The following EEA1 variants were observed in gnomAD, a reference collection of about 807,000 sequenced individuals.
EEA1 encodes the protein early endosome antigen 1.
EEA1 carries 111 observed loss-of-function variants against 209.2 expected under a neutral mutation model. That is an observed-to-expected ratio of 0.53 (90% CI 0.45 to 0.62). EEA1 has a LOEUF of 0.62. Ranked by LOEUF, EEA1 falls within the 20% of genes least tolerant of loss-of-function variation. The pLI, the probability that EEA1 is intolerant of heterozygous loss-of-function variation, is 0.00. For synonymous variants in EEA1, 536 were observed against 540.6 expected (o/e 0.99, Z 0.12); for missense variants, 1,343 against 1,530.8 (o/e 0.88, Z 2.05).
At chr12:92,898,793 G>C (rs1267636510) in intron 1 of EEA1, among the ~76,000 whole-genome samples, 2 of 114,296 alleles carry the variant, frequency 1.7e-5, no homozygotes, top group African/African-American at 3.6e-5. Flanking sequence ...GCCCAGGCTG[G>C]TCTTGAACTC....
chr12:92,879,498 G>A (rs1426945077), intron 2 of EEA1: 1 of 258,880 alleles, frequency 3.9e-6, no homozygotes, highest in African/African-American at 2.3e-5. Flanking sequence ...CTCAATAGAT[G>A]TGGGAAAAGC....
chr12:92,857,093 A>T (rs1032408138), intron 5 of EEA1, among the ~76,000 whole-genome samples, 182 bp downstream of exon 5: 32 of 152,046 alleles, frequency 2.1e-4, no homozygotes, highest in Admixed American at 2.0e-4. Context: ...AACACCTTTT[A>T]AAAAATTACA....
intron 9 of EEA1, among the ~76,000 whole-genome samples, chr12:92,849,910 A>G (rs1024171863): frequency 1.3e-5 from 2 of 152,206 alleles, no homozygotes; most frequent in East Asian, 3.8e-4. Flanking sequence ...AAGGGAGCTT[A>G]AAGACTACAA....
chr12:92,870,025 C>T (rs1396972471), intron 2 of EEA1, among the ~76,000 whole-genome samples: 1 of 152,122 alleles, frequency 6.6e-6, no homozygotes, highest in African/African-American at 2.4e-5. Flanking sequence ...TCTGGTTTAA[C>T]TGTCCTCCTA....
chr12:92,909,798 C>T, intron 1 of EEA1, among the ~76,000 whole-genome samples: 1 of 152,114 alleles, frequency 6.6e-6, no homozygotes, highest in South Asian at 2.1e-4. Context: ...AGGAGGATCA[C>T]TTGAGCTCAG....
chr12:92,796,617 T>A (rs936178754), intron 21 of EEA1, among the ~76,000 whole-genome samples: 7 of 152,058 alleles, frequency 4.6e-5, no homozygotes, highest in Non-Finnish European at 8.8e-5. Context: ...TTTTTATGTT[T>A]TATATATATA....
rs528194770 is a variant in EEA1 at position 92,827,762 on chromosome 12, T to G, written c.1404+150A>C. ...ATACAATTACAACAAAATGACTTAA[T>G]GTAGTTAATAAGCAAGATGTTGCTA... On this transcript the variant is annotated intron_variant, in intron 12 of 28. Coordinates refer to ENST00000322349, the MANE Select transcript of EEA1 (RefSeq NM_003566.4). 1,506 of 729,302 alleles carry G rather than the reference T, an allele frequency of 2.1e-3. 2 individuals are homozygous for G. Among genetic ancestry groups the G allele is most frequent in the Middle Eastern group, 0.015 (52 of 3,368 alleles). The allele number at this position is 729,302 out of a possible 1,614,324, so 45.2% of individuals were successfully genotyped here.
intron 10 of EEA1, among the ~76,000 whole-genome samples, chr12:92,837,144 C>T (rs1315644669): frequency 7.3e-6 from 1 of 136,104 alleles, no homozygotes; most frequent in Non-Finnish European, 1.6e-5. Context: ...AAAAAAAAAC[C>T]AACAACAACC....
chr12:92,896,574 T>C (rs565223740), intron 1 of EEA1, among the ~76,000 whole-genome samples: 1 of 152,214 alleles, frequency 6.6e-6, no homozygotes, highest in African/African-American at 2.4e-5. Flanking sequence ...GCAAACTTCA[T>C]TGTTGTTTTA....
chr12:92,904,399 C>G (rs912891216), intron 1 of EEA1, among the ~76,000 whole-genome samples: 2 of 152,230 alleles, frequency 1.3e-5, no homozygotes, highest in African/African-American at 4.8e-5. Flanking sequence ...TACAACAAAA[C>G]TATTTCTCTA....
At chr12:92,851,882 C>T (rs1565835262) in intron 8 of EEA1, among the ~76,000 whole-genome samples, 1 of 152,062 alleles carries the variant, frequency 6.6e-6, no homozygotes, top group Non-Finnish European at 1.5e-5. Context: ...ATAAAACAAA[C>T]ATGCAAGAGA....
At chr12:92,816,545 AAT>A (rs1875793668) in intron 14 of EEA1, 145 bp from the exon 15 acceptor site, 1 of 641,224 alleles carries the variant, frequency 1.6e-6, no homozygotes, top group Non-Finnish European at 2.7e-6. Context: ...CACTTGCCAA[AAT>A]ATGTCAACAT....
intron 5 of EEA1, among the ~76,000 whole-genome samples, chr12:92,854,281 T>G (rs935180404): frequency 2.0e-5 from 3 of 152,212 alleles, no homozygotes; most frequent in Non-Finnish European, 4.4e-5. Context: ...ATATAGATTC[T>G]AAAACAAATA....
chr12:92,857,191 G>T, intron 5 of EEA1, 84 bp downstream of exon 5: 1 of 1,056,346 alleles, frequency 9.5e-7, no homozygotes, highest in Non-Finnish European at 1.3e-6. Flanking sequence ...GCCGCCACCT[G>T]CTTGCAAAAA....
Position 92,891,704 on chromosome 12 carries a change from G to A in EEA1, c.42C>T (p.Gly14=). The part of the protein sequence containing the change: ...RILQRTPGRV[G]SQGSDLDSSA... ...ATGAATCTAAATCAGAACCTTGAGAGCCAACTCTCCCAGGAGTCTGGAACA... is the reference window on the plus strand; with the variant it reads ...ATGAATCTAAATCAGAACCTTGAGAACCAACTCTCCCAGGAGTCTGGAACA... The change falls in exon 2 of 29, where the codon GGC becomes GGT. Residue 14 remains glycine (G), a synonymous_variant. Transcript: ENST00000322349. 1 of 1,610,006 alleles carries A rather than the reference G, an allele frequency of 6.2e-7. No individual in the cohort carries two copies. Among genetic ancestry groups the A allele is most frequent in the Non-Finnish European group, 8.5e-7 (1 of 1,178,956 alleles).
chr12:92,797,068 A>T (rs1402065407), intron 21 of EEA1, among the ~76,000 whole-genome samples: 1 of 151,910 alleles, frequency 6.6e-6, no homozygotes, highest in East Asian at 1.9e-4. Context: ...TGTATTTTAA[A>T]TTTTGGGTGT....
rs770496275 is a variant in EEA1, at chr12:92,832,558, T to A, written c.1208A>T (p.Glu403Val). The A allele has an allele frequency of 6.2e-7, 1 of 1,613,758 alleles. No individual in the cohort carries two copies. The highest frequency in any genetic ancestry group is 1.1e-5 in the South Asian group (1 of 90,988). ...AEFKQLQQQR[E>V]EKEQHGLQLQ... Reference sequence around the variant, plus strand: ...TTGTAACCCATGCTGCTCCTTTTCTTCTCTCTGTTGTTGTAGCTGCTTAAA... The same window carrying A: ...TTGTAACCCATGCTGCTCCTTTTCTACTCTCTGTTGTTGTAGCTGCTTAAA... Residue 403 changes from glutamate to valine, a missense_variant, in exon 11 of 29, where the codon GAA (glutamate) becomes GTA (valine). Transcript: ENST00000322349.
chr12:92,859,715 G>A (rs7963660), intron 3 of EEA1, among the ~76,000 whole-genome samples: 7 of 152,206 alleles, frequency 4.6e-5, no homozygotes, highest in African/African-American at 1.4e-4. Flanking sequence ...TCCTAATTGC[G>A]TTGACTTTCC....
At chr12:92,780,679 G>C (rs530681990) in intron 23 of EEA1, among the ~76,000 whole-genome samples, 1 of 152,138 alleles carries the variant, frequency 6.6e-6, no homozygotes, top group African/African-American at 2.4e-5. Context: ...GCAAAACTAC[G>C]ATTCTTACTC....
Sources: allele counts gnomAD v4.1 joint callset (sites outside exome capture counted in the v4.1 genomes callset), GRCh38; gene constraint gnomAD v4.1.1; transcripts MANE v1.5; gene names NCBI Gene and HGNC (gene_info 2026-07-23, HGNC 2026-07-21).